Variants in TBL1XR1 observed in about 807,000 individuals in gnomAD.
The protein encoded by TBL1XR1 is TBL1X/Y related 1.
In TBL1XR1, 5 loss-of-function variants were observed where a neutral mutation model predicts 66.9. The ratio of observed to expected loss-of-function variants is 0.07; its 90% CI spans 0.04 to 0.16. The LOEUF (loss-of-function observed/expected upper bound fraction) is 0.16. Ranked by LOEUF, TBL1XR1 falls within the 10% of genes least tolerant of loss-of-function variation. TBL1XR1 has a pLI of 1.00. For missense variants in TBL1XR1, 238 were observed against 623.2 expected (o/e 0.38, Z 6.58); for synonymous variants, 210 against 206.0 (o/e 1.02, Z -0.17).
At chr3:177,050,277 C>A in intron 6 of TBL1XR1, 139 bp from the exon 7 acceptor site, 1 of 1,300,878 alleles carries the variant, frequency 7.7e-7, no homozygotes. Context: ...TTTTCCCATT[C>A]TACACGTTGG....
Position 177,077,782 on chromosome 3 carries a change from AAT to A in TBL1XR1, c.-45-12762_-45-12761del, listed in dbSNP as rs1720874783. On this transcript the variant is annotated intron_variant, in intron 2 of 15. Coordinates refer to ENST00000457928, the MANE Select transcript of TBL1XR1 (RefSeq NM_024665.7). ...ATTATCTCTTTATGATACCTATTCA[AAT>A]ATCAACATTAAAGATGTCTGGCTAC... 4.6e-5 allele frequency among the ~76,000 whole-genome samples: 7 copies of A among 152,338 alleles called. No individual in the cohort carries two copies. In the South Asian group the frequency reaches 1.4e-3, roughly 32 times the overall value.
At chr3:177,141,626 A>G (rs115295157) in intron 1 of TBL1XR1, among the ~76,000 whole-genome samples, 1,872 of 152,374 alleles carry the variant, frequency 0.012, 47 homozygotes, top group African/African-American at 0.043. Context: ...AACTTTCAAC[A>G]TATCACTTTA....
intron 2 of TBL1XR1, among the ~76,000 whole-genome samples, chr3:177,077,743 ATTC>A (rs1161941726): frequency 3.9e-5 from 6 of 152,144 alleles, no homozygotes; most frequent in Non-Finnish European, 8.8e-5. Flanking sequence ...AAATTTGTCT[ATTC>A]TTCTTCAAAT....
intron 2 of TBL1XR1, among the ~76,000 whole-genome samples, chr3:177,066,157 T>A (rs1384814895): frequency 6.6e-6 from 1 of 152,130 alleles, no homozygotes; most frequent in Non-Finnish European, 1.5e-5. Context: ...GTTAGCAGAT[T>A]TTTTAAAAAA....
intron 2 of TBL1XR1, among the ~76,000 whole-genome samples, chr3:177,081,019 T>C (rs545552531): frequency 6.6e-6 from 1 of 152,380 alleles, no homozygotes; most frequent in East Asian, 1.9e-4. Context: ...TGTAAAGATA[T>C]GATGAAACAT....
intron 1 of TBL1XR1, among the ~76,000 whole-genome samples, chr3:177,154,564 T>C (rs750994568): frequency 6.6e-6 from 1 of 152,132 alleles, no homozygotes; most frequent in Non-Finnish European, 1.5e-5. Flanking sequence ...GCCCAGCTAA[T>C]TTTTGTTTTT....
At chr3:177,131,218 T>C (rs1448175620) in intron 1 of TBL1XR1, 3 of 371,724 alleles carry the variant, frequency 8.1e-6, no homozygotes, top group Non-Finnish European at 7.4e-6. Flanking sequence ...AAAGAGAACA[T>C]ACTGAATGCC....
intron 1 of TBL1XR1, among the ~76,000 whole-genome samples, chr3:177,101,885 A>G (rs957893587): frequency 2.0e-5 from 3 of 152,170 alleles, no homozygotes; most frequent in African/African-American, 7.2e-5. Context: ...ATTATGTACA[A>G]TATGTTCTAC....
chr3:177,069,793 AAAGGAAGGAAGG>A (rs201302557), intron 2 of TBL1XR1, among the ~76,000 whole-genome samples: 3,046 of 92,370 alleles, frequency 0.033, 46 homozygotes, highest in Middle Eastern at 0.037. Flanking sequence ...AAAAGGAAGG[AAAGGAAGGAAGG>A]AAGGAAGGAA....
intron 2 of TBL1XR1, among the ~76,000 whole-genome samples, chr3:177,082,188 TATA>T (rs761509094): frequency 6.6e-6 from 1 of 152,170 alleles, no homozygotes; most frequent in Non-Finnish European, 1.5e-5. Context: ...TTGAGAAAGT[TATA>T]ATATATACAA....
At chr3:177,190,060 G>A (rs1188180901) in intron 1 of TBL1XR1, among the ~76,000 whole-genome samples, 1 of 144,592 alleles carries the variant, frequency 6.9e-6, no homozygotes, top group Admixed American at 7.3e-5. Flanking sequence ...TTGAACCCAG[G>A]AGACGGAGGT....
chr3:177,165,019 T>A (rs543171721), intron 1 of TBL1XR1, among the ~76,000 whole-genome samples: 2 of 152,196 alleles, frequency 1.3e-5, no homozygotes, highest in South Asian at 4.1e-4. Context: ...TTAACCTTAA[T>A]GCCTTCCTTC....
At chr3:177,190,408 C>T (rs1297512195) in intron 1 of TBL1XR1, among the ~76,000 whole-genome samples, 3 of 152,112 alleles carry the variant, frequency 2.0e-5, no homozygotes, top group South Asian at 2.1e-4. Context: ...CTCCGCCTCC[C>T]GGGTTGAAGC....
intron 2 of TBL1XR1, among the ~76,000 whole-genome samples, chr3:177,087,427 G>T (rs1722278820): frequency 6.6e-6 from 1 of 152,050 alleles, no homozygotes; most frequent in Middle Eastern, 3.2e-3. Context: ...AGAGGGTTGT[G>T]AATTAAGAAC....
At position 177,187,943 on chromosome 3, in the gene TBL1XR1, C is replaced by CTTTTTTTTTTTTTTTTT. The variant is rs571361204; in HGVS notation, c.-122+9161_-122+9177dup. ...GCTTGAGAGTCCAGAGTACAATTTC[C>CTTTTTTTTTTTTTTTTT]TTTTTTTTTTTTTTTTTTTTTTTTG... On this transcript the variant is annotated intron_variant, in intron 1 of 15. Coordinates refer to ENST00000457928, the MANE Select transcript of TBL1XR1 (RefSeq NM_024665.7). Among the ~76,000 whole-genome samples the CTTTTTTTTTTTTTTTTT allele has an allele frequency of 1.0e-4, 8 of 77,838 alleles. 1 individual carries two copies. The highest frequency in any genetic ancestry group is 5.3e-4 in the African/African-American group (8 of 15,096). The allele number at this position is 77,838 out of a possible 152,430, so 51.1% of individuals were successfully genotyped here.
chr3:177,049,976 C>T (rs936942224), intron 7 of TBL1XR1, 21 bp downstream of exon 7: 4 of 1,606,790 alleles, frequency 2.5e-6, no homozygotes, highest in Non-Finnish European at 2.6e-6. Flanking sequence ...TTATATCCAT[C>T]ATGGATATAG....
chr3:177,199,629 C>A (rs1253538828), upstream of TBL1XR1, among the ~76,000 whole-genome samples: 1 of 151,966 alleles, frequency 6.6e-6, no homozygotes. Context: ...CAAAGCTGCC[C>A]ACCCCACCCC....
Position 177,024,116 on chromosome 3 carries a change from T to C in TBL1XR1, c.*1382A>G, listed in dbSNP as rs1000141004. ...TAGTGATTACTAAAAAAAAAAAAAT[T>C]AGCAGCTTAAATCTATCTATATTTG... On this transcript the variant is annotated 3_prime_UTR_variant, in exon 16 of 16. Coordinates refer to ENST00000457928, the MANE Select transcript of TBL1XR1 (RefSeq NM_024665.7). The C allele has an allele frequency of 6.6e-6, 1 of 151,550 alleles. No homozygotes were observed. Among genetic ancestry groups the C allele is most frequent in the East Asian group, 1.9e-4 (1 of 5,168 alleles). 9.4% of individuals were successfully genotyped at this position (151,550 alleles called of 1,614,324 possible).
chr3:177,199,806 C>G (rs1017311831), upstream of TBL1XR1, among the ~76,000 whole-genome samples: 1 of 152,116 alleles, frequency 6.6e-6, no homozygotes, highest in African/African-American at 2.4e-5. Context: ...GATAATAATC[C>G]ATGCATTTGT....
Sources: allele counts gnomAD v4.1 joint callset (sites outside exome capture counted in the v4.1 genomes callset), GRCh38; gene constraint gnomAD v4.1.1; transcripts MANE v1.5; gene names NCBI Gene and HGNC (gene_info 2026-07-23, HGNC 2026-07-21).